Variants in HOMER1 observed in about 807,000 individuals in gnomAD.
HOMER1 encodes the protein homer protein homolog 1.
In HOMER1, 3 loss-of-function variants were observed where a neutral mutation model predicts 48.9. The ratio of observed to expected loss-of-function variants is 0.06; its 90% confidence interval spans 0.03 to 0.16. The LOEUF is 0.16. HOMER1 is among the 10% of genes least tolerant of loss of function. The pLI is 1.00. For missense variants in HOMER1, 247 were observed against 411.4 expected (o/e 0.60, Z 3.46); for synonymous variants, 134 against 146.4 (o/e 0.92, Z 0.61).
chr5:79,381,597 CAA>C (rs1338970683), intron 8 of HOMER1, among the ~76,000 whole-genome samples: 1 of 152,094 alleles, frequency 6.6e-6, no homozygotes, highest in Non-Finnish European at 1.5e-5. Flanking sequence ...AAAAAACGCA[CAA>C]AGAGGCCAGG....
intron 5 of HOMER1, among the ~76,000 whole-genome samples, chr5:79,422,542 A>G (rs1358051947): frequency 1.3e-5 from 2 of 151,912 alleles, no homozygotes; most frequent in Non-Finnish European, 2.9e-5. Flanking sequence ...TTCCCTGACC[A>G]TATGCTTTGG....
chr5:79,398,389 G>A (rs1749448188), intron 6 of HOMER1, among the ~76,000 whole-genome samples: 1 of 151,584 alleles, frequency 6.6e-6, no homozygotes, highest in African/African-American at 2.4e-5. Flanking sequence ...TAAAATTTTG[G>A]TTTACTAGAA....
In HOMER1 at chr5:79,379,095, TATATATATATATATATATAA is replaced by T. The variant is rs1433816856; in HGVS notation, c.877-2918_877-2899del. Among the ~76,000 whole-genome samples the T allele has an allele frequency of 9.6e-4, 55 of 57,466 alleles. 4 individuals are homozygous for T. Among genetic ancestry groups the T allele is most frequent in the Middle Eastern group, 6.3e-3 (1 of 160 alleles). The allele number at this position is 57,466 out of a possible 152,430, so 37.7% of individuals were successfully genotyped here. ...CCTTTTGTCCATATATATATATATATATATATATATATATATATAAAATATATAAATATTTATTTATATAT... is the reference window on the plus strand; with the variant it reads ...CCTTTTGTCCATATATATATATATATAATATATAAATATTTATTTATATAT... On this transcript the variant is annotated intron_variant, in intron 8 of 8. Coordinates refer to ENST00000334082, the MANE Select transcript of HOMER1 (RefSeq NM_004272.5).
At chr5:79,401,568 T>C (rs1749538073) in intron 6 of HOMER1, among the ~76,000 whole-genome samples, 1 of 152,172 alleles carries the variant, frequency 6.6e-6, no homozygotes, top group Non-Finnish European at 1.5e-5. Flanking sequence ...CTGAATTTTT[T>C]CTCAGCACAC....
intron 1 of HOMER1, among the ~76,000 whole-genome samples, chr5:79,461,260 T>C (rs1296894300): frequency 6.6e-6 from 1 of 152,238 alleles, no homozygotes; most frequent in Non-Finnish European, 1.5e-5. Context: ...AATCTAGCTC[T>C]TAATCTCTTA....
intron 5 of HOMER1, among the ~76,000 whole-genome samples, chr5:79,431,550 T>C (rs1239068417): frequency 6.6e-6 from 1 of 152,116 alleles, no homozygotes; most frequent in East Asian, 1.9e-4. Flanking sequence ...TAAAATTCAC[T>C]GTGGTGATGG....
chr5:79,390,336 C>G (rs1051006493), intron 8 of HOMER1, among the ~76,000 whole-genome samples: 1 of 151,878 alleles, frequency 6.6e-6, no homozygotes, highest in African/African-American at 2.4e-5. Flanking sequence ...ACAAACCAGA[C>G]AGTATACGTT....
intron 1 of HOMER1, among the ~76,000 whole-genome samples, chr5:79,467,411 A>AAAC (rs1751501602): frequency 6.6e-6 from 1 of 151,344 alleles, no homozygotes; most frequent in African/African-American, 2.4e-5. Context: ...AAAAAAAAAA[A>AAAC]AACTAATGAA....
chr5:79,503,003 G>A (rs1752642178), intron 1 of HOMER1, among the ~76,000 whole-genome samples: 1 of 152,038 alleles, frequency 6.6e-6, no homozygotes, highest in Admixed American at 6.5e-5. Context: ...TGTTAGCCAG[G>A]ACGGTCTTGA....
chr5:79,440,278 G>C (rs1022834090), intron 4 of HOMER1, among the ~76,000 whole-genome samples: 1 of 152,180 alleles, frequency 6.6e-6, no homozygotes, highest in Non-Finnish European at 1.5e-5. Context: ...TGAAGTGCTA[G>C]AAAAAATATG....
chr5:79,400,569 C>CTGG (rs1749508658), intron 6 of HOMER1, among the ~76,000 whole-genome samples: 1 of 151,362 alleles, frequency 6.6e-6, no homozygotes, highest in African/African-American at 2.4e-5. Context: ...GTTGCCCAGG[C>CTGG]TGGTCTTGAA....
intron 5 of HOMER1, among the ~76,000 whole-genome samples, chr5:79,418,908 GACT>G (rs1359277781): frequency 6.6e-6 from 1 of 152,128 alleles, no homozygotes; most frequent in African/African-American, 2.4e-5. Context: ...AAAAATAGGT[GACT>G]ACTTTTAAAC....
At chr5:79,428,140 T>A (rs1283365627) in intron 5 of HOMER1, among the ~76,000 whole-genome samples, 2 of 152,132 alleles carry the variant, frequency 1.3e-5, no homozygotes, top group African/African-American at 4.8e-5. Context: ...TTTTAAGAAA[T>A]AAACATAAGA....
At chr5:79,474,598 A>G (rs1210040598) in intron 1 of HOMER1, among the ~76,000 whole-genome samples, 1 of 152,078 alleles carries the variant, frequency 6.6e-6, no homozygotes, top group Non-Finnish European at 1.5e-5. Context: ...CTACAACTCA[A>G]TACACTCCTC....
chr5:79,440,978 T>C (rs551341200), intron 4 of HOMER1, among the ~76,000 whole-genome samples: 1 of 152,088 alleles, frequency 6.6e-6, no homozygotes, highest in Admixed American at 6.5e-5. Context: ...GCTGACATGA[T>C]GAAACCCAAT....
chr5:79,466,903 T>C (rs1751480267), intron 1 of HOMER1, among the ~76,000 whole-genome samples: 1 of 151,984 alleles, frequency 6.6e-6, no homozygotes, highest in Non-Finnish European at 1.5e-5. Context: ...GCAATTCTCC[T>C]GCCTCAGCCT....
chr5:79,388,090 T>C (rs1295551714), intron 8 of HOMER1, among the ~76,000 whole-genome samples: 2 of 151,956 alleles, frequency 1.3e-5, no homozygotes, highest in Non-Finnish European at 2.9e-5. Flanking sequence ...AGAAAACCAC[T>C]ACCAGTGTGA....
intron 4 of HOMER1, among the ~76,000 whole-genome samples, chr5:79,443,424 A>C (rs1320422608): frequency 6.6e-6 from 1 of 152,192 alleles, no homozygotes; most frequent in Non-Finnish European, 1.5e-5. Context: ...ACAGTCTGGG[A>C]GTGGAGCTCA....
At chr5:79,486,960 A>G (rs1242852271) in intron 1 of HOMER1, among the ~76,000 whole-genome samples, 1 of 152,238 alleles carries the variant, frequency 6.6e-6, no homozygotes, top group East Asian at 1.9e-4. Context: ...TAAAATTAGA[A>G]GACCCAAAAT....
Sources: gnomAD v4.1 joint callset for allele counts (sites outside exome capture counted in the v4.1 genomes callset) on GRCh38, gnomAD v4.1.1 for gene constraint, MANE v1.5 for transcripts, NCBI Gene and HGNC (gene_info 2026-07-23, HGNC 2026-07-21) for gene names.